The following PDE4B variants were observed in gnomAD, a reference collection of about 807,000 sequenced individuals.
The protein encoded by PDE4B is phosphodiesterase 4B.
In PDE4B, 20 loss-of-function variants were observed where a neutral mutation model predicts 82.2. The ratio of observed to expected loss-of-function variants is 0.24; its 90% CI spans 0.17 to 0.35. The LOEUF (loss-of-function observed/expected upper bound fraction) is 0.35. Among genes scored for constraint, PDE4B ranks in the 10% least tolerant of loss-of-function variants. The pLI is 1.00. For missense variants in PDE4B, 655 were observed against 907.2 expected (o/e 0.72, Z 3.57); for synonymous variants, 320 against 318.9 (o/e 1.00, Z -0.04).
intron 7 of PDE4B, among the ~76,000 whole-genome samples, chr1:66,269,171 C>G (rs1441949410): frequency 6.6e-6 from 1 of 152,162 alleles, no homozygotes; most frequent in Non-Finnish European, 1.5e-5. Flanking sequence ...AGTTATTGCA[C>G]TGAAGTTAAT....
Position 66,150,828 on chromosome 1 carries a change from A to G in PDE4B, c.282-96632A>G, listed in dbSNP as rs867339741. On this transcript the variant is annotated intron_variant, in intron 3 of 16. Coordinates refer to ENST00000341517, the MANE Select transcript of PDE4B (RefSeq NM_002600.4). ...ATTCTTTAATTTGTAATTATGGTCTATTACATTAATTAACTTTCGTATGTT... is the reference window on the plus strand; with the variant it reads ...ATTCTTTAATTTGTAATTATGGTCTGTTACATTAATTAACTTTCGTATGTT... Among the ~76,000 whole-genome samples the G allele has an allele frequency of 4.6e-5, 7 of 152,292 alleles. No homozygotes were observed. The Middle Eastern group carries it at 0.01, about 222-fold the overall frequency.
intron 8 of PDE4B, among the ~76,000 whole-genome samples, chr1:66,351,329 G>A (rs10493403): frequency 6.6e-6 from 1 of 152,136 alleles, no homozygotes; most frequent in Admixed American, 6.5e-5. Flanking sequence ...ATGTGTTCCT[G>A]TTTGTGGATT....
intron 8 of PDE4B, among the ~76,000 whole-genome samples, chr1:66,338,474 C>T (rs1660691522): frequency 6.6e-6 from 1 of 152,178 alleles, no homozygotes; most frequent in African/African-American, 2.4e-5. Flanking sequence ...GTCTTCTTGC[C>T]TGGGAAGCAG....
At chr1:65,843,937 T>C (rs1200488363) in intron 1 of PDE4B, among the ~76,000 whole-genome samples, 8 of 152,204 alleles carry the variant, frequency 5.3e-5, no homozygotes. Flanking sequence ...AACATCTTCA[T>C]AACAAAGTTA....
intron 8 of PDE4B, among the ~76,000 whole-genome samples, chr1:66,333,485 CAT>C (rs1660278015): frequency 7.1e-6 from 1 of 141,712 alleles, no homozygotes; most frequent in African/African-American, 2.6e-5. Context: ...CACACACACA[CAT>C]ACACTTTGTT....
chr1:66,283,714 A>C (rs1249264051), intron 7 of PDE4B, among the ~76,000 whole-genome samples: 2 of 152,104 alleles, frequency 1.3e-5, no homozygotes, highest in Non-Finnish European at 2.9e-5. Context: ...TATGCTTGCT[A>C]ACTTAATCAT....
chr1:66,011,238 A>G (rs1410189383), intron 3 of PDE4B, among the ~76,000 whole-genome samples: 4 of 151,712 alleles, frequency 2.6e-5, no homozygotes, highest in Middle Eastern at 3.4e-3. Flanking sequence ...AAAAAAAAAA[A>G]AGAACTGGTG....
In PDE4B at chr1:66,330,771, A is replaced by G. The variant is rs1446355322; in HGVS notation, c.635-1737A>G. 1.2e-5 allele frequency: 12 copies of G among 985,220 alleles called. No homozygotes were observed. The South Asian group carries it at 4.7e-4, about 39-fold the overall frequency. 61.0% of individuals were successfully genotyped at this position (985,220 alleles called of 1,614,324 possible). A position where few individuals can be genotyped will look rare whatever the true frequency, so the allele number is the denominator to read the frequency against. Reference sequence around the variant, plus strand: ...GGCAAGGGGTTGTTTCGGACACACTAGAGAGTAAGTCAGAGAATCTTCGTG... The same window carrying G: ...GGCAAGGGGTTGTTTCGGACACACTGGAGAGTAAGTCAGAGAATCTTCGTG... On this transcript the variant is annotated intron_variant, in intron 7 of 16. Transcript: ENST00000341517.
At chr1:65,872,611 A>G (rs1646586374) in intron 1 of PDE4B, among the ~76,000 whole-genome samples, 1 of 152,228 alleles carries the variant, frequency 6.6e-6, no homozygotes, top group Admixed American at 6.5e-5. Flanking sequence ...GCTATTAAGC[A>G]TCACAATTTT....
intron 3 of PDE4B, among the ~76,000 whole-genome samples, chr1:65,932,604 G>C (rs61498597): frequency 0.11 from 16,766 of 152,002 alleles, 1,087 homozygotes; most frequent in Middle Eastern, 0.2. Flanking sequence ...AAAGGAACAA[G>C]ATAAATCTCC....
intron 9 of PDE4B, among the ~76,000 whole-genome samples, chr1:66,359,790 C>T (rs1472889619): frequency 1.3e-5 from 2 of 152,066 alleles, no homozygotes; most frequent in African/African-American, 4.8e-5. Flanking sequence ...AGTAAAGTGA[C>T]AGGGAGAAAA....
rs191317809 is a variant in PDE4B at position 65,943,855 on chromosome 1, C to G, written c.281+25020C>G. Among the ~76,000 whole-genome samples, 795 of 151,822 alleles carry G rather than the reference C, an allele frequency of 5.2e-3. 5 individuals are homozygous for G. The highest frequency in any genetic ancestry group is 0.018 in the African/African-American group (747 of 41,466). Reference sequence around the variant, plus strand: ...TTGATTTTATATACTGAAACTTTACCGAATTTTGTTTAATAGTTCTAATAA... The same window carrying G: ...TTGATTTTATATACTGAAACTTTACGGAATTTTGTTTAATAGTTCTAATAA... On this transcript the variant is annotated intron_variant, in intron 3 of 16. Transcript: ENST00000341517.
chr1:65,941,027 A>G (rs545784542), intron 3 of PDE4B, among the ~76,000 whole-genome samples: 167 of 152,226 alleles, frequency 1.1e-3, no homozygotes, highest in African/African-American at 3.9e-3. Context: ...ACTTTAAAAA[A>G]TATAATGTTG....
At chr1:66,293,087 G>C (rs932388274) in intron 7 of PDE4B, among the ~76,000 whole-genome samples, 1 of 152,144 alleles carries the variant, frequency 6.6e-6, no homozygotes, top group African/African-American at 2.4e-5. Flanking sequence ...TGTGACACAT[G>C]ATGATTCAAG....
At chr1:66,250,968 A>G (rs1353961277) in intron 4 of PDE4B, among the ~76,000 whole-genome samples, 2 of 152,240 alleles carry the variant, frequency 1.3e-5, no homozygotes, top group Non-Finnish European at 2.9e-5. Flanking sequence ...TTCAAGGGAA[A>G]TGAGACCTAA....
At chr1:66,285,700 T>C (rs1274478768) in intron 7 of PDE4B, among the ~76,000 whole-genome samples, 1 of 152,054 alleles carries the variant, frequency 6.6e-6, no homozygotes, top group African/African-American at 2.4e-5. Flanking sequence ...CTGAGTAGTA[T>C]TCCATGGTAT....
chr1:65,931,544 C>A (rs1023918056), intron 3 of PDE4B, among the ~76,000 whole-genome samples: 1 of 152,144 alleles, frequency 6.6e-6, no homozygotes, highest in African/African-American at 2.4e-5. Context: ...TATACACTGG[C>A]AATAGACAAT....
At chr1:66,073,234 C>T (rs12119734) in intron 3 of PDE4B, among the ~76,000 whole-genome samples, 35,068 of 151,982 alleles carry the variant, frequency 0.23, 4,709 homozygotes, top group Middle Eastern at 0.37. Context: ...TACAATGTCA[C>T]CTAGTACTTA....
At chr1:65,818,818 CGTT>C (rs1190249913) in intron 1 of PDE4B, among the ~76,000 whole-genome samples, 1 of 151,806 alleles carries the variant, frequency 6.6e-6, no homozygotes, top group Non-Finnish European at 1.5e-5. Flanking sequence ...ATATTTATTG[CGTT>C]GTTATTTGCT....
Sources: allele counts gnomAD v4.1 joint callset (sites outside exome capture counted in the v4.1 genomes callset), GRCh38; gene constraint gnomAD v4.1.1; transcripts MANE v1.5; gene names NCBI Gene and HGNC (gene_info 2026-07-23, HGNC 2026-07-21).